The following MALT1 variants were observed in gnomAD, a reference collection of about 807,000 sequenced individuals.
MALT1 encodes the protein mucosa-associated lymphoid tissue lymphoma translocation protein 1.
In MALT1, 36 loss-of-function variants were observed where a neutral mutation model predicts 85.5. The observed-to-expected ratio is 0.42, with a 90% confidence interval of 0.32 to 0.56. The LOEUF is 0.56. Ranked by LOEUF, MALT1 falls within the 20% of genes least tolerant of loss-of-function variation. The pLI is 0.10. For missense variants in MALT1, 716 were observed against 981.6 expected (o/e 0.73, Z 3.62); for synonymous variants, 359 against 361.3 (o/e 0.99, Z 0.07).
At chr18:58,727,637 T>TTTTTTTTTTTTTTTTTTTTTTTC (rs1371594098) in intron 10 of MALT1, among the ~76,000 whole-genome samples, 1 of 150,610 alleles carries the variant, frequency 6.6e-6, no homozygotes, top group African/African-American at 2.5e-5. Context: ...TGTTTTTTTT[T>TTTTTTTTTTTTTTTTTTTTTTTC]TTTTTGAGGA....
At chr18:58,732,299 G>C (rs2055161763) in intron 10 of MALT1, among the ~76,000 whole-genome samples, 1 of 152,026 alleles carries the variant, frequency 6.6e-6, no homozygotes, top group African/African-American at 2.4e-5. Context: ...TGATATTTTT[G>C]TTGTTTTTTA....
At chr18:58,688,246 A>C (rs2054435115) in intron 2 of MALT1, among the ~76,000 whole-genome samples, 1 of 151,914 alleles carries the variant, frequency 6.6e-6, no homozygotes, top group Non-Finnish European at 1.5e-5. Context: ...TTTCCAAATC[A>C]CATTTTGCCT....
chr18:58,735,500 C>CT (rs1234942860), intron 13 of MALT1, among the ~76,000 whole-genome samples, 171 bp downstream of exon 13: 1 of 152,276 alleles, frequency 6.6e-6, no homozygotes, highest in East Asian at 1.9e-4. Context: ...AACACTTCTG[C>CT]TATTTAATGT....
rs752917364 is a variant in MALT1, at chr18:58,747,701, T to G, written c.2334T>G (p.His778Gln). Residue 778 changes from histidine to glutamine, a missense_variant, in exon 17 of 17, where the codon CAT becomes CAG. Around this residue, in one of 4 missense-constraint regions of MALT1, gnomAD observed 260 missense variants for 323.7 expected, o/e 0.80. Coordinates refer to ENST00000649217, the MANE Select transcript of MALT1 (RefSeq NM_006785.4). ...ATGTTACACCAGCAGATAGCTGTCA[T>G]TGCAGCCGGACTCCAGATGCATTTA... ...PSNVTPADSC[H>Q]CSRTPDAFIS... 6.2e-7 allele frequency: 1 copy of G among 1,614,204 alleles called. No individual in the cohort carries two copies. The highest frequency in any genetic ancestry group is 8.5e-7 in the Non-Finnish European group (1 of 1,180,030).
chr18:58,706,504 G>T (rs921624990), intron 4 of MALT1, among the ~76,000 whole-genome samples: 1 of 152,156 alleles, frequency 6.6e-6, no homozygotes, highest in Non-Finnish European at 1.5e-5. Flanking sequence ...CACTGACATA[G>T]TTACCTGTTG....
intron 4 of MALT1, among the ~76,000 whole-genome samples, chr18:58,704,630 G>C (rs752969420): frequency 1.3e-5 from 2 of 152,070 alleles, no homozygotes; most frequent in African/African-American, 4.8e-5. Flanking sequence ...CTAATTTTTT[G>C]TATTTTTGGT....
intron 7 of MALT1, among the ~76,000 whole-genome samples, chr18:58,711,195 A>G (rs577055253): frequency 6.6e-6 from 1 of 152,338 alleles, no homozygotes; most frequent in Admixed American, 6.5e-5. Context: ...TACATATAAG[A>G]ACAAAGTTCC....
At chr18:58,742,166 G>A in intron 14 of MALT1, 152 bp downstream of exon 14, 1 of 451,158 alleles carries the variant, frequency 2.2e-6, no homozygotes, top group South Asian at 8.8e-5. Context: ...TTTCAATTAT[G>A]GATATTACAC....
intron 11 of MALT1, chr18:58,734,002 C>G: frequency 9.3e-6 from 11 of 1,186,588 alleles, no homozygotes; most frequent in Non-Finnish European, 1.0e-5. Context: ...ATTTGTCTGC[C>G]ATTGCCTTTC....
chr18:58,745,890 T>C, intron 16 of MALT1, 99 bp downstream of exon 16: 2 of 1,088,276 alleles, frequency 1.8e-6, no homozygotes, highest in Middle Eastern at 2.1e-4. Context: ...ATTATTAAAG[T>C]AGAGATAACC....
At chr18:58,683,453 A>G (rs2054352921) in intron 2 of MALT1, among the ~76,000 whole-genome samples, 1 of 152,336 alleles carries the variant, frequency 6.6e-6, no homozygotes, top group East Asian at 1.9e-4. Flanking sequence ...ATACAATGAC[A>G]GGGGCCTCAT....
At chr18:58,705,409 G>T (rs1247494072) in intron 4 of MALT1, among the ~76,000 whole-genome samples, 3 of 150,542 alleles carry the variant, frequency 2.0e-5, no homozygotes, top group Admixed American at 6.6e-5. Context: ...GTGCCATGCT[G>T]GTGCACTGCA....
At chr18:58,717,168 G>A (rs1334009710) in intron 9 of MALT1, among the ~76,000 whole-genome samples, 1 of 152,102 alleles carries the variant, frequency 6.6e-6, no homozygotes, top group Non-Finnish European at 1.5e-5. Context: ...ATTGAGATCA[G>A]CCTAACCAAC....
chr18:58,720,034 A>G (rs2054962285), intron 9 of MALT1, among the ~76,000 whole-genome samples: 1 of 152,228 alleles, frequency 6.6e-6, no homozygotes, highest in African/African-American at 2.4e-5. Flanking sequence ...AGAATATATT[A>G]CATTAAACTT....
rs2054802505 is a variant in MALT1 at position 58,709,511 on chromosome 18, C to T, written c.783C>T (p.Phe261=). The change falls in exon 5 of 17, where the codon TTC becomes TTT. Residue 261 remains phenylalanine, a synonymous_variant. Transcript: ENST00000649217. ...GCCCTATTCCTCACTACCAGTGGTT[C>T]AAAAATGAATTACCATTAACACATG... ...VGSPIPHYQW[F]KNELPLTHET... is the part of the protein sequence containing the mutation. 1 of 1,611,382 alleles carries T rather than the reference C, an allele frequency of 6.2e-7. No homozygotes were observed. Among genetic ancestry groups the T allele is most frequent in the African/African-American group, 1.3e-5 (1 of 74,724 alleles).
At chr18:58,671,928 C>T in intron 1 of MALT1, 76 bp downstream of exon 1, 4 of 962,190 alleles carry the variant, frequency 4.2e-6, no homozygotes, top group Non-Finnish European at 2.7e-6. Flanking sequence ...GGGGCGCTGT[C>T]GGTGGGGCTG....
intron 2 of MALT1, among the ~76,000 whole-genome samples, chr18:58,695,882 G>A (rs2054579491): frequency 6.6e-6 from 1 of 152,204 alleles, no homozygotes; most frequent in African/African-American, 2.4e-5. Context: ...CACATATTCA[G>A]ACAATAGCAG....
chr18:58,694,792 G>T (rs575600537), intron 2 of MALT1, among the ~76,000 whole-genome samples: 2 of 152,356 alleles, frequency 1.3e-5, no homozygotes, highest in African/African-American at 4.8e-5. Context: ...TGTCAGCCAG[G>T]TCTGCAGTCA....
At chr18:58,726,038 GCAA>G (rs2055050471) in intron 10 of MALT1, among the ~76,000 whole-genome samples, 1 of 152,174 alleles carries the variant, frequency 6.6e-6, no homozygotes, top group Non-Finnish European at 1.5e-5. Flanking sequence ...TCCAGCCTGG[GCAA>G]CAAAGCGAGA....
Sources: allele counts gnomAD v4.1 joint callset (sites outside exome capture counted in the v4.1 genomes callset), GRCh38; gene constraint gnomAD v4.1.1; regional missense constraint gnomAD v4.1.1; transcripts MANE v1.5; gene names NCBI Gene and HGNC (gene_info 2026-07-23, HGNC 2026-07-21).